TMSB15B: variants seen among roughly 807,000 people sequenced by gnomAD.
TMSB15B encodes thymosin beta-15B.
At chrX:103,933,703 C>T (rs1245593024) in intron 1 of TMSB15B, among the ~76,000 whole-genome samples, 3 of 111,605 alleles carry the variant, frequency 2.7e-5, no homozygotes, top group African/African-American at 6.5e-5. Flanking sequence ...TGATACTCAT[C>T]GATATTGCAG....
intron 1 of TMSB15B, among the ~76,000 whole-genome samples, chrX:103,955,586 A>C (rs782670084): frequency 9.0e-6 from 1 of 111,010 alleles, no homozygotes; most frequent in Non-Finnish European, 1.9e-5. Context: ...GCAGATAAGA[A>C]TATAGAAAAA....
intron 1 of TMSB15B, among the ~76,000 whole-genome samples, chrX:103,921,265 C>T (rs1226060464): frequency 1.8e-5 from 2 of 111,849 alleles, no homozygotes; most frequent in Admixed American, 9.5e-5. Context: ...TTGCTCACCT[C>T]GCACACTTAG....
At chrX:103,922,643 C>T (rs1272994231) in intron 1 of TMSB15B, among the ~76,000 whole-genome samples, 3 of 111,086 alleles carry the variant, frequency 2.7e-5, no homozygotes, top group East Asian at 2.8e-4. Context: ...TCTTTGCTAT[C>T]GTGAATAGTG....
At chrX:103,920,932 G>C (rs2074950575) in intron 1 of TMSB15B, among the ~76,000 whole-genome samples, 1 of 112,188 alleles carries the variant, frequency 8.9e-6, no homozygotes, top group South Asian at 3.7e-4. Flanking sequence ...ATTTTTCCCT[G>C]ACTTAGAGAG....
At chrX:103,952,635 G>A (rs782569522) in intron 1 of TMSB15B, among the ~76,000 whole-genome samples, 20 of 111,847 alleles carry the variant, frequency 1.8e-4, no homozygotes, top group African/African-American at 6.5e-4. Context: ...CAACCTTATG[G>A]AGGTTAGAAT....
In TMSB15B at chrX:103,942,851, T is replaced by A. The variant is rs1401063290; in HGVS notation, c.-720-19170T>A. The stretch of plus-strand genomic sequence containing the variant: ...AAGCAGATTATCATAAATGGGATTA[T>A]AATGAGTTTCTTACATATAATGTCC... On this transcript the variant is annotated intron_variant, in intron 1 of 3. Coordinates refer to the TMSB15B transcript ENST00000419165. Among the ~76,000 whole-genome samples, 3 of 111,854 alleles carry A rather than the reference T, an allele frequency of 2.7e-5. No homozygotes were observed. In the Admixed American group the frequency reaches 2.8e-4, roughly 11 times the overall value.
chrX:103,936,934 T>C (rs2074999626), intron 1 of TMSB15B, among the ~76,000 whole-genome samples: 1 of 111,088 alleles, frequency 9.0e-6, no homozygotes, highest in Non-Finnish European at 1.9e-5. Flanking sequence ...GTTCTGTTTA[T>C]GTGATGGTTC....
At chrX:103,951,923 TCA>T (rs1602444201) in intron 1 of TMSB15B, among the ~76,000 whole-genome samples, 2 of 110,636 alleles carry the variant, frequency 1.8e-5, no homozygotes, top group African/African-American at 3.3e-5. Context: ...GAAATTGAGA[TCA>T]CAGAGGGGTC....
At chrX:103,944,201 A>G (rs1450765592) in intron 1 of TMSB15B, among the ~76,000 whole-genome samples, 1 of 112,249 alleles carries the variant, frequency 8.9e-6, no homozygotes, top group Non-Finnish European at 1.9e-5. Context: ...ATATACAATA[A>G]GTATGTTTCA....
chrX:103,943,508 A>G (rs782038890), intron 1 of TMSB15B, among the ~76,000 whole-genome samples: 1 of 112,280 alleles, frequency 8.9e-6, no homozygotes, highest in South Asian at 3.7e-4. Flanking sequence ...GCCTTAGTTC[A>G]GTCTTTCCTG....
intron 1 of TMSB15B, among the ~76,000 whole-genome samples, chrX:103,950,631 T>TAA (rs1391625285): frequency 9.1e-6 from 1 of 109,817 alleles, no homozygotes; most frequent in African/African-American, 3.3e-5. Flanking sequence ...TATATATATA[T>TAA]AAAACAATTT....
chrX:103,940,164 C>T (rs1556323756), intron 1 of TMSB15B, among the ~76,000 whole-genome samples: 7 of 112,400 alleles, frequency 6.2e-5, no homozygotes. Flanking sequence ...CAATCTGTCC[C>T]TTAGCAGAGC....
chrX:103,923,618 G>C (rs372965383), intron 1 of TMSB15B, among the ~76,000 whole-genome samples: 22 of 111,916 alleles, frequency 2.0e-4, no homozygotes, highest in African/African-American at 5.9e-4. Context: ...TTGTAGTATA[G>C]TTTGAAGTCA....
At chrX:103,935,766 T>G (rs1556321418) in intron 1 of TMSB15B, among the ~76,000 whole-genome samples, 1 of 110,565 alleles carries the variant, frequency 9.0e-6, no homozygotes, top group Non-Finnish European at 1.9e-5. Context: ...TGAAGTCAGA[T>G]AGCATGCCTT....
At chrX:103,941,433 C>T (rs2075012535) in intron 1 of TMSB15B, among the ~76,000 whole-genome samples, 1 of 111,508 alleles carries the variant, frequency 9.0e-6, no homozygotes. Flanking sequence ...ACACCCATAC[C>T]GTTTTCCATA....
At chrX:103,922,734 G>T (rs2074957287) in intron 1 of TMSB15B, among the ~76,000 whole-genome samples, 1 of 111,643 alleles carries the variant, frequency 9.0e-6, no homozygotes, top group Non-Finnish European at 1.9e-5. Flanking sequence ...TAATGGGATG[G>T]CTGGGTCAAA....
At chrX:103,920,076 T>A (rs1443965340) in intron 1 of TMSB15B, among the ~76,000 whole-genome samples, 2 of 112,022 alleles carry the variant, frequency 1.8e-5, no homozygotes, top group African/African-American at 6.5e-5. Context: ...TTCGTTTTTT[T>A]AAAAATACTT....
intron 1 of TMSB15B, among the ~76,000 whole-genome samples, chrX:103,941,664 G>C (rs1556325129): frequency 1.8e-5 from 2 of 111,870 alleles, no homozygotes; most frequent in African/African-American, 6.5e-5. Context: ...TAGAATTTCT[G>C]GTTTATGGAA....
intron 1 of TMSB15B, chrX:103,928,642 G>T (rs2147817927): frequency 4.3e-6 from 5 of 1,156,553 alleles, no homozygotes; most frequent in Admixed American, 2.2e-5. Flanking sequence ...GCCTGTCCTG[G>T]CCAGGAACAG....
Sources: gnomAD v4.1 joint callset for allele counts (sites outside exome capture counted in the v4.1 genomes callset) on GRCh38, gnomAD v4.1.1 for gene constraint, MANE v1.5 for transcripts, NCBI Gene and HGNC (gene_info 2026-07-23, HGNC 2026-07-21) for gene names.